Variants in SEZ6L observed in about 807,000 individuals in gnomAD.
SEZ6L encodes seizure related 6 homolog like, also known as seizure 6-like protein.
SEZ6L carries 37 observed loss-of-function variants against 106.2 expected under a neutral mutation model. The ratio of observed to expected loss-of-function variants is 0.35; its 90% CI spans 0.27 to 0.46. SEZ6L has a LOEUF of 0.46. SEZ6L is among the 20% of genes least tolerant of loss of function. The pLI is 1.00. For missense variants in SEZ6L, 1,172 were observed against 1,332.8 expected (o/e 0.88, Z 1.88); for synonymous variants, 541 against 570.4 (o/e 0.95, Z 0.73).
intron 12 of SEZ6L, among the ~76,000 whole-genome samples, chr22:26,351,665 G>A (rs1199530445): frequency 6.6e-6 from 1 of 152,148 alleles, no homozygotes; most frequent in East Asian, 1.9e-4. Context: ...TCATGCCTCA[G>A]CCTCCCGAGT....
Position 26,382,035 on chromosome 22 carries a change from T to C in SEZ6L, c.*1740T>C. The C allele has an allele frequency of 1.9e-6, 1 of 518,812 alleles. No homozygotes were observed. Among genetic ancestry groups the C allele is most frequent in the African/African-American group, 1.9e-5 (1 of 52,070 alleles). The allele number at this position is 518,812 out of a possible 1,614,324, so 32.1% of individuals were successfully genotyped here. A position where few individuals can be genotyped will look rare whatever the true frequency, so the allele number is the denominator to read the frequency against. ...ATGTACCCTCCTTGACAGCAGGAAC[T>C]CAGACTTCAATCTTGGGGGTCTAAG... On this transcript the variant is annotated 3_prime_UTR_variant, in exon 17 of 17. Coordinates refer to ENST00000248933, the MANE Select transcript of SEZ6L (RefSeq NM_021115.5).
At chr22:26,326,827 T>C (rs1333011610) in intron 9 of SEZ6L, among the ~76,000 whole-genome samples, 1 of 152,162 alleles carries the variant, frequency 6.6e-6, no homozygotes, top group Non-Finnish European at 1.5e-5. Context: ...GGCAGCAGCA[T>C]TGGCTTGGCA....
chr22:26,290,442 G>A (rs1236870147), intron 1 of SEZ6L, among the ~76,000 whole-genome samples: 1 of 152,244 alleles, frequency 6.6e-6, no homozygotes, highest in Non-Finnish European at 1.5e-5. Context: ...TGAGGCAGGA[G>A]AATGGCGTGA....
chr22:26,216,011 A>G (rs74702212), intron 1 of SEZ6L, among the ~76,000 whole-genome samples: 2 of 152,188 alleles, frequency 1.3e-5, no homozygotes, highest in Non-Finnish European at 2.9e-5. Flanking sequence ...GCACTAGGTG[A>G]AGCCACGGAA....
In SEZ6L at chr22:26,221,303, C is replaced by T. The variant is rs541891276; in HGVS notation, c.94+51540C>T. Among the ~76,000 whole-genome samples, 6 of 152,116 alleles carry T rather than the reference C, an allele frequency of 3.9e-5. No individual in the cohort carries two copies. The South Asian group carries it at 1.3e-3, about 32-fold the overall frequency. ...TTGTAGTGTTCCTCCAATCTAATTT[C>T]CAATTAACATCTTGGTTGCACACTC... On this transcript the variant is annotated intron_variant, in intron 1 of 16. Transcript: ENST00000248933.
chr22:26,341,488 G>T (rs906956657), intron 10 of SEZ6L, among the ~76,000 whole-genome samples: 1 of 151,988 alleles, frequency 6.6e-6, no homozygotes, highest in African/African-American at 2.4e-5. Flanking sequence ...CTAGACTCAC[G>T]CCCTCCATGC....
chr22:26,276,082 C>A (rs2080534791), intron 1 of SEZ6L, among the ~76,000 whole-genome samples: 4 of 152,214 alleles, frequency 2.6e-5, no homozygotes, highest in Admixed American at 2.6e-4. Context: ...AGTTTGCTCA[C>A]CATTAAAACG....
At chr22:26,201,382 CAA>C (rs71192905) in intron 1 of SEZ6L, among the ~76,000 whole-genome samples, 25 of 75,310 alleles carry the variant, frequency 3.3e-4, no homozygotes, top group African/African-American at 1.2e-3. Context: ...TACAAAAATA[CAA>C]AAAAAAAAAA....
chr22:26,219,824 G>A (rs900497437), intron 1 of SEZ6L, among the ~76,000 whole-genome samples: 1 of 152,190 alleles, frequency 6.6e-6, no homozygotes, highest in African/African-American at 2.4e-5. Context: ...GAGAGTATCA[G>A]GATAAATAGC....
At chr22:26,338,504 C>T (rs2082714635) in intron 9 of SEZ6L, among the ~76,000 whole-genome samples, 1 of 151,838 alleles carries the variant, frequency 6.6e-6, no homozygotes, top group Non-Finnish European at 1.5e-5. Context: ...CTCAAGCAAT[C>T]CTCCTGCCTC....
intron 12 of SEZ6L, among the ~76,000 whole-genome samples, chr22:26,354,296 A>C (rs1006951726): frequency 1.3e-5 from 2 of 152,232 alleles, no homozygotes; most frequent in African/African-American, 4.8e-5. Flanking sequence ...AAATCTGGAC[A>C]CAGATGGGGA....
intron 9 of SEZ6L, among the ~76,000 whole-genome samples, chr22:26,332,381 C>T (rs2082512482): frequency 6.6e-6 from 1 of 151,934 alleles, no homozygotes; most frequent in Non-Finnish European, 1.5e-5. Context: ...AACTCCTGAC[C>T]TCAGGTTATT....
At chr22:26,373,571 A>G (rs2084116484) in intron 14 of SEZ6L, 88 bp downstream of exon 14, 2 of 1,006,808 alleles carry the variant, frequency 2.0e-6, no homozygotes, top group African/African-American at 1.7e-5. Context: ...CTTTATTTAG[A>G]CACTTAAAAA....
chr22:26,377,966 G>A (rs748385865), intron 16 of SEZ6L, among the ~76,000 whole-genome samples, 191 bp downstream of exon 16: 2 of 152,108 alleles, frequency 1.3e-5, no homozygotes, highest in African/African-American at 4.8e-5. Context: ...GATTGGTGCT[G>A]AGGACGAGCC....
intron 11 of SEZ6L, among the ~76,000 whole-genome samples, chr22:26,350,231 TA>T (rs2083230740): frequency 6.7e-6 from 1 of 150,020 alleles, no homozygotes; most frequent in South Asian, 2.1e-4. Flanking sequence ...TATATATATT[TA>T]TATGTATTTT....
intron 1 of SEZ6L, among the ~76,000 whole-genome samples, chr22:26,180,928 G>A (rs1939346021): frequency 6.6e-6 from 1 of 152,228 alleles, no homozygotes; most frequent in Non-Finnish European, 1.5e-5. Flanking sequence ...TGAGCATTCT[G>A]AATGGGGGAC....
At chr22:26,288,940 A>T (rs2081021714) in intron 1 of SEZ6L, among the ~76,000 whole-genome samples, 1 of 152,210 alleles carries the variant, frequency 6.6e-6, no homozygotes, top group Non-Finnish European at 1.5e-5. Flanking sequence ...AACATCCGCC[A>T]GTGTTGGGAT....
At chr22:26,282,157 G>A in intron 1 of SEZ6L, among the ~76,000 whole-genome samples, 1 of 152,158 alleles carries the variant, frequency 6.6e-6, no homozygotes, top group Non-Finnish European at 1.5e-5. Context: ...AAATAATTCT[G>A]AAAGCTCTTG....
intron 1 of SEZ6L, among the ~76,000 whole-genome samples, chr22:26,244,929 C>T (rs182256922): frequency 6.6e-5 from 10 of 152,206 alleles, no homozygotes; most frequent in Non-Finnish European, 1.3e-4. Flanking sequence ...TGTGTTTGCT[C>T]CTTCAGCAAT....
Sources: gnomAD v4.1 joint callset for allele counts (sites outside exome capture counted in the v4.1 genomes callset) on GRCh38, gnomAD v4.1.1 for gene constraint, MANE v1.5 for transcripts, NCBI Gene and HGNC (gene_info 2026-07-23, HGNC 2026-07-21) for gene names.